TSGA10: variants seen among roughly 807,000 people sequenced by gnomAD.
The protein encoded by TSGA10 is testis-specific gene 10 protein.
In TSGA10, 43 loss-of-function variants were observed where a neutral mutation model predicts 96.6. The observed-to-expected ratio is 0.44, with a 90% CI of 0.35 to 0.57. The LOEUF (loss-of-function observed/expected upper bound fraction) is 0.57. Among genes scored for constraint, TSGA10 ranks in the 20% least tolerant of loss-of-function variants. The pLI is 0.01. For missense variants in TSGA10, 703 were observed against 834.4 expected (o/e 0.84, Z 1.94); for synonymous variants, 229 against 269.9 (o/e 0.85, Z 1.48).
At chr2:99,124,383 A>G (rs2092720527) in intron 2 of TSGA10, among the ~76,000 whole-genome samples, 1 of 152,176 alleles carries the variant, frequency 6.6e-6, no homozygotes, top group Non-Finnish European at 1.5e-5. Flanking sequence ...CTTTTCAGAT[A>G]TGTAATTTGG....
intron 20 of TSGA10, among the ~76,000 whole-genome samples, chr2:99,004,186 T>C (rs1404231333): frequency 6.6e-6 from 1 of 152,110 alleles, no homozygotes; most frequent in Non-Finnish European, 1.5e-5. Context: ...GCAAATAAAC[T>C]AGAAAATCTA....
intron 1 of TSGA10, among the ~76,000 whole-genome samples, chr2:99,131,659 G>T (rs1164395212): frequency 6.6e-6 from 1 of 152,098 alleles, no homozygotes; most frequent in Admixed American, 6.5e-5. Flanking sequence ...ATACTATATT[G>T]AATAGGAGTG....
chr2:99,124,128 A>G (rs1245823136), intron 2 of TSGA10, among the ~76,000 whole-genome samples: 1 of 152,158 alleles, frequency 6.6e-6, no homozygotes, highest in Non-Finnish European at 1.5e-5. Context: ...TCACATCCTC[A>G]CCAACACTTG....
chr2:99,132,596 T>C (rs763791324), intron 1 of TSGA10, among the ~76,000 whole-genome samples: 1 of 152,282 alleles, frequency 6.6e-6, no homozygotes, highest in South Asian at 2.1e-4. Flanking sequence ...GCTTTTCGTG[T>C]CTCTATCTCC....
Position 99,104,032 on chromosome 2 carries a change from T to C in TSGA10, c.546A>G (p.Leu182=), listed in dbSNP as rs1163252389. 6.2e-7 allele frequency: 1 copy of C among 1,614,016 alleles called. No homozygotes were observed. Among genetic ancestry groups the C allele is most frequent in the African/African-American group, 1.3e-5 (1 of 74,952 alleles). The change falls in exon 10 of 21, where the codon CTA becomes CTG. Residue 182 remains leucine, a synonymous_variant. Coordinates refer to ENST00000393483, the MANE Select transcript of TSGA10 (RefSeq NM_025244.4). ...ISTVEKEMKS[L]ARKAMDTESE... is the part of the protein sequence containing the mutation. The stretch of plus-strand genomic sequence containing the variant: ...TTTCGGTATCCATTGCCTTTCTTGC[T>C]AGTGATTTCATTTCTTTTTCCACAG...
intron 1 of TSGA10, among the ~76,000 whole-genome samples, chr2:99,139,346 T>G (rs2093441572): frequency 6.6e-6 from 1 of 152,184 alleles, no homozygotes; most frequent in Non-Finnish European, 1.5e-5. Flanking sequence ...GAGCTAAGAT[T>G]ATATAATAAA....
intron 13 of TSGA10, 82 bp from the exon 14 acceptor site, chr2:99,071,956 C>A (rs2035295019): frequency 8.0e-7 from 1 of 1,243,374 alleles, no homozygotes; most frequent in South Asian, 1.5e-5. Flanking sequence ...AGAAGATGGA[C>A]AGTTAGTATG....
chr2:99,129,398 T>C (rs1177022348), intron 1 of TSGA10, among the ~76,000 whole-genome samples: 1 of 152,190 alleles, frequency 6.6e-6, no homozygotes, highest in African/African-American at 2.4e-5. Context: ...TGATAAAGCA[T>C]ACAAAATTAA....
intron 1 of TSGA10, among the ~76,000 whole-genome samples, chr2:99,150,219 T>C (rs975491047): frequency 2.6e-5 from 4 of 152,344 alleles, no homozygotes; most frequent in African/African-American, 9.6e-5. Context: ...CTAGCAAGAA[T>C]GAAAGAAAGG....
At position 99,073,030 on chromosome 2, in the gene TSGA10, T is replaced by C; in HGVS notation, c.926A>G (p.Glu309Gly). The change falls in exon 13 of 21, where the codon GAA (glutamate) becomes GGA (glycine). Residue 309 changes from glutamate (E) to glycine (G), a missense_variant. By Grantham distance (98) the Glu-to-Gly change is moderately conservative. This residue lies in a region of TSGA10 where 585 missense variants were observed against 656.8 expected (regional missense o/e 0.89). Coordinates refer to ENST00000393483, the MANE Select transcript of TSGA10 (RefSeq NM_025244.4). ...SGMKNIIAEM[E>G]QASRQCTEAL... is the part of the protein sequence containing the mutation. The stretch of plus-strand genomic sequence containing the variant: ...ACGACTGATTTACCTTGATGCCTGT[T>C]CCATCTCAGCAATGATATTCTTCAT... 1 of 1,609,426 alleles carries C rather than the reference T, an allele frequency of 6.2e-7. No homozygotes were observed. Among genetic ancestry groups the C allele is most frequent in the Middle Eastern group, 1.7e-4 (1 of 6,042 alleles).
chr2:99,001,874 G>T (rs1294015813), intron 20 of TSGA10, among the ~76,000 whole-genome samples: 34 of 152,252 alleles, frequency 2.2e-4, no homozygotes, highest in Non-Finnish European at 2.9e-5. Flanking sequence ...TCAAGTGGAA[G>T]AAAAGGTATC....
At chr2:99,095,743 C>G (rs185712927) in intron 10 of TSGA10, among the ~76,000 whole-genome samples, 1 of 152,188 alleles carries the variant, frequency 6.6e-6, no homozygotes, top group Non-Finnish European at 1.5e-5. Context: ...CTAGTTCAAG[C>G]GATTCTCCTG....
At chr2:99,088,475 TC>T (rs942270440) in intron 10 of TSGA10, among the ~76,000 whole-genome samples, 3 of 152,116 alleles carry the variant, frequency 2.0e-5, no homozygotes, top group Admixed American at 1.3e-4. Context: ...TTGGGACATA[TC>T]CCCCCTCGAT....
At chr2:99,150,767 G>A (rs1398019742) in intron 1 of TSGA10, 1 of 1,613,562 alleles carries the variant, frequency 6.2e-7, no homozygotes, top group South Asian at 1.1e-5. Flanking sequence ...TCTCTTTCTG[G>A]GAAAGCCTTG....
chr2:99,081,086 T>C (rs1041650685), intron 11 of TSGA10, among the ~76,000 whole-genome samples, 196 bp downstream of exon 11: 3 of 152,160 alleles, frequency 2.0e-5, no homozygotes, highest in Non-Finnish European at 4.4e-5. Context: ...TTTTAACTTA[T>C]CACTAAGTAC....
chr2:99,069,917 C>T (rs1031591671), intron 14 of TSGA10, among the ~76,000 whole-genome samples: 1 of 151,712 alleles, frequency 6.6e-6, no homozygotes, highest in Non-Finnish European at 1.5e-5. Flanking sequence ...AAAAAAAAAT[C>T]GTGCTAAAAC....
intron 1 of TSGA10, chr2:99,154,392 G>C (rs2093726289): frequency 6.6e-6 from 1 of 152,300 alleles, no homozygotes; most frequent in Non-Finnish European, 1.5e-5. Flanking sequence ...AGTAGCCTCA[G>C]TGTGTTTTCT....
intron 10 of TSGA10, among the ~76,000 whole-genome samples, chr2:99,088,636 T>A (rs1334204726): frequency 6.6e-6 from 1 of 152,210 alleles, no homozygotes; most frequent in African/African-American, 2.4e-5. Flanking sequence ...TGATCATTCC[T>A]TATGAAATTA....
intron 1 of TSGA10, among the ~76,000 whole-genome samples, chr2:99,128,444 T>C (rs1326091038): frequency 1.3e-5 from 2 of 152,218 alleles, no homozygotes; most frequent in African/African-American, 4.8e-5. Flanking sequence ...AATAACAGAA[T>C]GAAACGACTC....
Sources: allele counts gnomAD v4.1 joint callset (sites outside exome capture counted in the v4.1 genomes callset), GRCh38; gene constraint gnomAD v4.1.1; regional missense constraint gnomAD v4.1.1; transcripts MANE v1.5; gene names NCBI Gene and HGNC (gene_info 2026-07-23, HGNC 2026-07-21).